PRKCH: variants seen among roughly 807,000 people sequenced by gnomAD.
PRKCH encodes the protein protein kinase C eta type.
In PRKCH, 28 loss-of-function variants were observed where a neutral mutation model predicts 82.5. That is an observed-to-expected ratio of 0.34 (90% CI 0.25 to 0.47). PRKCH has a LOEUF of 0.47. PRKCH is among the 20% of genes least tolerant of loss of function. The probability of loss-of-function intolerance (pLI) is 1.00; values close to 1 mark genes in which losing one functional copy is unlikely to be tolerated. For missense variants in PRKCH, 705 were observed against 881.8 expected (o/e 0.80, Z 2.54); for synonymous variants, 322 against 327.4 (o/e 0.98, Z 0.18).
intron 1 of PRKCH, among the ~76,000 whole-genome samples, chr14:61,270,355 G>A (rs2045140649): frequency 6.6e-6 from 1 of 152,114 alleles, no homozygotes; most frequent in Non-Finnish European, 1.5e-5. Context: ...CATGGCTTTG[G>A]TGCTATGAGT....
chr14:61,367,651 G>C (rs552612178), intron 1 of PRKCH, among the ~76,000 whole-genome samples: 3 of 151,646 alleles, frequency 2.0e-5, no homozygotes, highest in African/African-American at 7.3e-5. Flanking sequence ...TTTGTGTCCT[G>C]CTTGTGACTT....
At position 61,443,235 on chromosome 14, in the gene PRKCH, C is replaced by T. The variant is rs2140277052; in HGVS notation, c.552C>T (p.Tyr184=). The T allele has an allele frequency of 1.2e-6, 2 of 1,614,058 alleles. No individual in the cohort carries two copies. Among genetic ancestry groups the T allele is most frequent in the East Asian group, 4.5e-5 (2 of 44,872 alleles). ...FMATYLRQPT[Y]CSHCREFIWG... ...CCACGTATCTGAGGCAGCCCACCTA[C>T]TGCTCTCACTGCAGGGAGTTTATCT... Residue 184 remains tyrosine, a synonymous_variant, in exon 3 of 14, where the codon TAC becomes TAT. Coordinates refer to ENST00000332981, the MANE Select transcript of PRKCH (RefSeq NM_006255.5).
chr14:61,512,249 C>CT (rs11342820), intron 10 of PRKCH, among the ~76,000 whole-genome samples: 4,028 of 118,494 alleles, frequency 0.034, 146 homozygotes, highest in African/African-American at 0.09. Flanking sequence ...TCACATGACC[C>CT]TTTTTTTTTT....
chr14:61,384,795 G>A (rs1045074322), intron 1 of PRKCH, among the ~76,000 whole-genome samples: 3 of 151,970 alleles, frequency 2.0e-5, no homozygotes, highest in South Asian at 2.1e-4. Flanking sequence ...AGTCCACTTC[G>A]GGGACTCAAA....
At chr14:61,443,348 ATTAT>A (rs1408598386) in intron 3 of PRKCH, 87 bp downstream of exon 3, 9 of 1,298,342 alleles carry the variant, frequency 6.9e-6, no homozygotes, top group Non-Finnish European at 9.2e-6. Flanking sequence ...AGAATGCATG[ATTAT>A]TTAAGAATTC....
chr14:61,391,318 A>T (rs940469590), intron 2 of PRKCH, 30 bp downstream of exon 2: 3 of 1,549,948 alleles, frequency 1.9e-6, no homozygotes, highest in Admixed American at 3.6e-5. Flanking sequence ...AGTTTCCAGA[A>T]TACATGTAAT....
Position 61,311,555 on chromosome 14 carries a change from G to A in PRKCH, c.-19+123887G>A, listed in dbSNP as rs537244296. Among the ~76,000 whole-genome samples, 7 of 152,252 alleles carry A rather than the reference G, an allele frequency of 4.6e-5. No individual in the cohort carries two copies. In the East Asian group the frequency reaches 1.4e-3, roughly 29 times the overall value. ...CCGTCCAAACTGTTCCAACGTCTGCGTGTTACCCAGTTCCAAAGTCACTTC... is the reference window on the plus strand; with the variant it reads ...CCGTCCAAACTGTTCCAACGTCTGCATGTTACCCAGTTCCAAAGTCACTTC... On this transcript the variant is annotated intron_variant, in intron 1 of 3. Coordinates refer to the PRKCH transcript ENST00000555185.
chr14:61,204,775 AAAAG>A, intron 1 of PRKCH, among the ~76,000 whole-genome samples: 1 of 150,990 alleles, frequency 6.6e-6, no homozygotes, highest in African/African-American at 2.5e-5. Flanking sequence ...AAAAAAAAAA[AAAAG>A]AAAAGAAATA....
At chr14:61,351,224 G>A (rs1389316729) in intron 1 of PRKCH, among the ~76,000 whole-genome samples, 1 of 152,200 alleles carries the variant, frequency 6.6e-6, no homozygotes, top group East Asian at 1.9e-4. Context: ...GAACCACATC[G>A]TTGTGATTTA....
intron 1 of PRKCH, among the ~76,000 whole-genome samples, chr14:61,272,790 A>G (rs917156040): frequency 6.6e-5 from 10 of 152,330 alleles, no homozygotes; most frequent in African/African-American, 2.4e-4. Context: ...AGTTTATAAA[A>G]TCACCTCTTG....
intron 12 of PRKCH, among the ~76,000 whole-genome samples, chr14:61,538,261 A>G (rs1052337558): frequency 6.6e-6 from 1 of 152,238 alleles, no homozygotes; most frequent in African/African-American, 2.4e-5. Context: ...GACTGTTGCC[A>G]GGACTGGAAT....
intron 2 of PRKCH, among the ~76,000 whole-genome samples, chr14:61,393,269 C>A (rs2140205314): frequency 6.6e-6 from 1 of 152,252 alleles, no homozygotes; most frequent in Non-Finnish European, 1.5e-5. Flanking sequence ...AATTTGATAT[C>A]AGTTTTAGAG....
intron 1 of PRKCH, among the ~76,000 whole-genome samples, chr14:61,235,690 A>G (rs2044781854): frequency 6.6e-6 from 1 of 152,220 alleles, no homozygotes; most frequent in African/African-American, 2.4e-5. Context: ...TAACCCTCCT[A>G]TAAACTTTTA....
intron 1 of PRKCH, among the ~76,000 whole-genome samples, chr14:61,246,273 T>C (rs2044881996): frequency 6.7e-6 from 1 of 148,236 alleles, no homozygotes; most frequent in African/African-American, 2.5e-5. Flanking sequence ...CCAGGTGTGG[T>C]GGCACGTGCC....
chr14:61,485,617 C>T lies in PRKCH; in HGVS notation c.1394C>T (p.Ser465Leu), dbSNP rs865839442. 18 of 1,614,116 alleles carry T rather than the reference C, an allele frequency of 1.1e-5. No individual in the cohort carries two copies. Among genetic ancestry groups the T allele is most frequent in the Admixed American group, 1.7e-5 (1 of 60,016 alleles). ...CGCTTCTATGCTGCAGAAATCATTT[C>T]GGCTCTCATGTTCCTCCATGATAAA... ...RARFYAAEII[S>L]ALMFLHDKGI... is the part of the protein sequence containing the mutation. The change falls in exon 10 of 14, where the codon TCG becomes TTG. Residue 465 changes from serine (S) to leucine (L), a missense_variant. Transcript: ENST00000332981.
At chr14:61,385,435 T>C (rs2046573216) in intron 1 of PRKCH, among the ~76,000 whole-genome samples, 1 of 152,142 alleles carries the variant, frequency 6.6e-6, no homozygotes, top group Non-Finnish European at 1.5e-5. Context: ...GCACAGGATG[T>C]GGGAAGCAAA....
chr14:61,354,456 G>A (rs909961565), intron 1 of PRKCH, among the ~76,000 whole-genome samples: 8 of 150,756 alleles, frequency 5.3e-5, no homozygotes, highest in South Asian at 2.1e-4. Context: ...TAACACTTCC[G>A]TACCTATAGC....
intron 2 of PRKCH, among the ~76,000 whole-genome samples, chr14:61,416,954 G>C (rs2140240375): frequency 6.6e-6 from 1 of 152,306 alleles, no homozygotes; most frequent in East Asian, 1.9e-4. Context: ...GGTACTTTGT[G>C]CCTTTGTCCT....
At chr14:61,281,102 T>C in intron 1 of PRKCH, 1 of 1,475,002 alleles carries the variant, frequency 6.8e-7, no homozygotes, top group Non-Finnish European at 9.0e-7. Flanking sequence ...GTGAAGGCGG[T>C]GTTGTCGGGC....
Sources: gnomAD v4.1 joint callset for allele counts (sites outside exome capture counted in the v4.1 genomes callset) on GRCh38, gnomAD v4.1.1 for gene constraint, MANE v1.5 for transcripts, NCBI Gene and HGNC (gene_info 2026-07-23, HGNC 2026-07-21) for gene names.